The following FGF12 variants were observed in gnomAD, a reference collection of about 807,000 sequenced individuals.
FGF12 encodes fibroblast growth factor 12.
A neutral mutation model predicts 23.6 loss-of-function variants in FGF12; 14 were observed. That is an observed-to-expected ratio of 0.59 (90% confidence interval 0.39 to 0.93). The LOEUF is 0.93. Among genes scored for constraint, FGF12 ranks in the 40% least tolerant of loss-of-function variants. FGF12 has a pLI of 0.00. For missense variants in FGF12, 175 were observed against 217.8 expected (o/e 0.80, Z 1.24); for synonymous variants, 62 against 77.3 (o/e 0.80, Z 1.04).
At chr3:192,267,414 A>G (rs1014476950) in intron 4 of FGF12, among the ~76,000 whole-genome samples, 1 of 152,202 alleles carries the variant, frequency 6.6e-6, no homozygotes, top group Non-Finnish European at 1.5e-5. Flanking sequence ...ATTTAAATAC[A>G]TGTTAGTTAT....
At chr3:192,433,793 T>C (rs1056572911) in intron 2 of FGF12, among the ~76,000 whole-genome samples, 6 of 152,244 alleles carry the variant, frequency 3.9e-5, no homozygotes, top group African/African-American at 1.4e-4. Flanking sequence ...TTTCCCACGA[T>C]TAATTCCTGT....
intron 2 of FGF12, among the ~76,000 whole-genome samples, chr3:192,495,113 C>T (rs534276577): frequency 1.3e-5 from 2 of 152,298 alleles, no homozygotes; most frequent in African/African-American, 4.8e-5. Context: ...CCCACCTCAG[C>T]CTCCCAAAGT....
rs779139731 is a variant in FGF12, at chr3:192,520,639, CTTAAA to C, written c.14-160106_14-160102del. On this transcript the variant is annotated intron_variant, in intron 2 of 5. Transcript: ENST00000445105. Reference sequence around the variant, plus strand: ...TAATTATTTAACTAGATTTAGTTTACTTAAATTATTTTTTTTATTTGGGTGCGTGA... The same window carrying C: ...TAATTATTTAACTAGATTTAGTTTACTTATTTTTTTTATTTGGGTGCGTGA... 6.6e-5 allele frequency among the ~76,000 whole-genome samples: 10 copies of C among 152,076 alleles called. No individual in the cohort carries two copies. The South Asian group carries it at 1.0e-3, about 16-fold the overall frequency.
At chr3:192,378,026 T>TTTC (rs1553804997) in intron 2 of FGF12, among the ~76,000 whole-genome samples, 36 of 69,454 alleles carry the variant, frequency 5.2e-4, no homozygotes, top group Admixed American at 8.6e-4. Context: ...TGACTCTTTC[T>TTTC]TTTCTTTCTT....
intron 4 of FGF12, among the ~76,000 whole-genome samples, chr3:192,333,872 C>G (rs777320314): frequency 6.6e-6 from 1 of 151,996 alleles, no homozygotes. Flanking sequence ...TGGTTATATA[C>G]CCTTCTTTTT....
intron 2 of FGF12, among the ~76,000 whole-genome samples, chr3:192,381,146 G>T (rs1210945733): frequency 6.6e-6 from 1 of 152,046 alleles, no homozygotes; most frequent in African/African-American, 2.4e-5. Context: ...TGTTGCTAGT[G>T]GCTACCATAT....
chr3:192,387,595 C>A (rs1209890451), intron 2 of FGF12, among the ~76,000 whole-genome samples: 2 of 151,956 alleles, frequency 1.3e-5, no homozygotes, highest in Non-Finnish European at 2.9e-5. Context: ...GGCCTGTAAT[C>A]CCAGCACTTT....
chr3:192,371,757 A>G (rs6444638), intron 2 of FGF12, among the ~76,000 whole-genome samples: 12,650 of 151,948 alleles, frequency 0.083, 814 homozygotes, highest in African/African-American at 0.17. Flanking sequence ...TTTTACATCT[A>G]TATTAGGGAA....
intron 4 of FGF12, among the ~76,000 whole-genome samples, chr3:192,246,969 G>A (rs1711636474): frequency 6.8e-6 from 1 of 147,936 alleles, no homozygotes; most frequent in Non-Finnish European, 1.5e-5. Context: ...AGAGAGGGAG[G>A]GAGAAAAGGC....
At chr3:192,315,956 G>A (rs183111045) in intron 4 of FGF12, among the ~76,000 whole-genome samples, 3 of 152,136 alleles carry the variant, frequency 2.0e-5, no homozygotes, top group Non-Finnish European at 2.9e-5. Flanking sequence ...AACCCAAACC[G>A]ATTTATGTAA....
Position 192,408,977 on chromosome 3 carries a change from A to T in FGF12, c.14-48439T>A. On this transcript the variant is annotated intron_variant, in intron 2 of 5. Transcript: ENST00000445105. This position sits in a 1 kb window ranked among gnomAD's most constrained non-coding sequence, Gnocchi z 7.3. ...GCGCGAAGTGGGAGCGGTTACCCGG[A>T]GTCTGGGTAGGGGCGCGGGGCGGGG... The T allele has an allele frequency of 1.0e-6, 1 of 977,298 alleles. No homozygotes were observed. Among genetic ancestry groups the T allele is most frequent in the Non-Finnish European group, 1.2e-6 (1 of 827,840 alleles). The allele number at this position is 977,298 out of a possible 1,614,324, so 60.5% of individuals were successfully genotyped here. A position where few individuals can be genotyped will look rare whatever the true frequency, so the allele number is the denominator to read the frequency against.
At chr3:192,421,061 T>C (rs1011712696) in intron 2 of FGF12, among the ~76,000 whole-genome samples, 4 of 152,098 alleles carry the variant, frequency 2.6e-5, no homozygotes, top group Admixed American at 2.0e-4. Flanking sequence ...CAGTGGCCAC[T>C]ACATGCATGA....
intron 4 of FGF12, among the ~76,000 whole-genome samples, chr3:192,191,241 T>C (rs1408523005): frequency 2.0e-5 from 3 of 152,144 alleles, no homozygotes; most frequent in Non-Finnish European, 2.9e-5. Flanking sequence ...GGTGAATCCA[T>C]GAAAAATAGA....
rs1478785218 is a variant in FGF12 at position 192,140,185 on chromosome 3, T to G, written c.*3824A>C. 2 of 152,080 alleles carry G rather than the reference T, an allele frequency of 1.3e-5. No homozygotes were observed. Among genetic ancestry groups the G allele is most frequent in the East Asian group, 3.8e-4 (2 of 5,196 alleles). The allele number at this position is 152,080 out of a possible 1,614,324, so 9.4% of individuals were successfully genotyped here. Reference sequence around the variant, plus strand: ...AAATAAAAACTCATATAATATATCCTTATTTCAGAAGCATATGTATATATA... The same window carrying G: ...AAATAAAAACTCATATAATATATCCGTATTTCAGAAGCATATGTATATATA... On this transcript the variant is annotated 3_prime_UTR_variant, in exon 6 of 6. Coordinates refer to ENST00000445105, the MANE Select transcript of FGF12 (RefSeq NM_004113.6).
At chr3:192,256,373 G>A (rs1391497505) in intron 4 of FGF12, among the ~76,000 whole-genome samples, 2 of 150,232 alleles carry the variant, frequency 1.3e-5, no homozygotes, top group African/African-American at 2.4e-5. Context: ...TACTCATACC[G>A]CACACACACA....
intron 2 of FGF12, among the ~76,000 whole-genome samples, chr3:192,406,429 A>C (rs748666869): frequency 9.2e-5 from 14 of 152,052 alleles, no homozygotes; most frequent in Non-Finnish European, 2.9e-5. Context: ...CAGAACCTTG[A>C]AGTCCTCTGT....
Position 192,178,426 on chromosome 3 carries a change from A to G in FGF12, c.229-7770T>C, listed in dbSNP as rs556765762. On this transcript the variant is annotated intron_variant, in intron 4 of 5. Coordinates refer to ENST00000445105, the MANE Select transcript of FGF12 (RefSeq NM_004113.6). ...CCATATGGTATGTAGAAATTATTGA[A>G]TTTTCAAGCATATGCCAGATAAAAA... 2.0e-5 allele frequency among the ~76,000 whole-genome samples: 3 copies of G among 152,256 alleles called. No individual in the cohort carries two copies. In the South Asian group the frequency reaches 6.2e-4, roughly 32 times the overall value.
At chr3:192,394,584 C>T (rs759290978) in intron 2 of FGF12, among the ~76,000 whole-genome samples, 3 of 152,064 alleles carry the variant, frequency 2.0e-5, no homozygotes, top group Non-Finnish European at 2.9e-5. Context: ...TGATAGTAAC[C>T]CTTTCATGCT....
At chr3:192,718,321 A>G (rs995134561) in intron 2 of FGF12, among the ~76,000 whole-genome samples, 1 of 152,120 alleles carries the variant, frequency 6.6e-6, no homozygotes, top group Non-Finnish European at 1.5e-5. Flanking sequence ...AAAAGACGTT[A>G]TAAAAACATA....
Sources: allele counts gnomAD v4.1 joint callset (sites outside exome capture counted in the v4.1 genomes callset), GRCh38; gene constraint gnomAD v4.1.1; non-coding constraint Gnocchi (gnomAD v3.1); transcripts MANE v1.5; gene names NCBI Gene and HGNC (gene_info 2026-07-23, HGNC 2026-07-21).